The following ASZ1 variants were observed in gnomAD, a reference collection of about 807,000 sequenced individuals.
ASZ1 encodes ankyrin repeat, SAM and basic leucine zipper domain-containing protein 1.
ASZ1 carries 67 observed loss-of-function variants against 61.8 expected under a neutral mutation model. The observed-to-expected ratio is 1.08, with a 90% confidence interval of 0.89 to 1.33. ASZ1 has a LOEUF of 1.33. Among genes scored for constraint, ASZ1 ranks in the 40% most tolerant of loss-of-function variants. The pLI, the probability that ASZ1 is intolerant of heterozygous loss-of-function variation, is 0.00. For synonymous variants in ASZ1, 193 were observed against 192.7 expected (o/e 1.00, Z -0.01); for missense variants, 577 against 554.5 (o/e 1.04, Z -0.41).
At position 117,380,053 on chromosome 7, in the gene ASZ1, C is replaced by T. The variant is rs1391823488; in HGVS notation, c.946-6G>A. On this transcript the variant is annotated splice_polypyrimidine_tract_variant and splice_region_variant and intron_variant, in intron 9 of 12. Transcript: ENST00000284629. ...TCTTTACTGGTAATTCCATTCTAAGCAGAAATAATTTTAAGGTACAGTAAG... is the reference window on the plus strand; with the variant it reads ...TCTTTACTGGTAATTCCATTCTAAGTAGAAATAATTTTAAGGTACAGTAAG... 1 of 1,544,592 alleles carries T rather than the reference C, an allele frequency of 6.5e-7. No homozygotes were observed.
intron 2 of ASZ1, among the ~76,000 whole-genome samples, chr7:117,423,801 G>C (rs1054937183): frequency 1.3e-5 from 2 of 150,636 alleles, no homozygotes; most frequent in East Asian, 3.9e-4. Flanking sequence ...GGCAGAGCTT[G>C]CAGTGAGCCA....
chr7:117,386,901 T>C (rs1178184500), intron 4 of ASZ1, among the ~76,000 whole-genome samples: 2 of 152,068 alleles, frequency 1.3e-5, no homozygotes, highest in Non-Finnish European at 2.9e-5. Flanking sequence ...TTGTAAAAGA[T>C]TGCCTCCTCT....
intron 10 of ASZ1, among the ~76,000 whole-genome samples, chr7:117,378,187 G>A (rs1796173003): frequency 6.6e-6 from 1 of 151,950 alleles, no homozygotes; most frequent in Admixed American, 6.6e-5. Flanking sequence ...GGGAAAATTT[G>A]GTAACTTAGA....
intron 1 of ASZ1, 32 bp from the exon 2 acceptor site, chr7:117,426,967 T>G (rs965507521): frequency 3.2e-6 from 5 of 1,556,870 alleles, no homozygotes; most frequent in Non-Finnish European, 4.3e-6. Context: ...AAAATTCTTG[T>G]TATATATATT....
chr7:117,372,255 G>A (rs1046233859), intron 10 of ASZ1, among the ~76,000 whole-genome samples: 16 of 152,152 alleles, frequency 1.1e-4, no homozygotes, highest in African/African-American at 3.9e-4. Context: ...CCAGTCCCCC[G>A]ATCCCTGTCA....
chr7:117,420,334 CT>C, intron 3 of ASZ1, 60 bp from the exon 4 acceptor site: 1 of 1,196,592 alleles, frequency 8.4e-7, no homozygotes, highest in Admixed American at 1.9e-5. Context: ...TATTCGATGT[CT>C]TTACCACTCA....
intron 2 of ASZ1, among the ~76,000 whole-genome samples, chr7:117,424,994 A>C (rs1161390334): frequency 6.6e-6 from 1 of 152,206 alleles, no homozygotes. Flanking sequence ...CAGAAATTGA[A>C]GCTTAGGAAG....
In ASZ1 at chr7:117,427,430, CT is replaced by C. The variant is rs745685455; in HGVS notation, c.30del (p.Val11TrpfsTer27). Reference protein sequence around the residue: MAASALRGLPVAGGGESSES... With the variant: MAASALRGLXVAGGGESSES... Reference sequence around the variant, plus strand: ...TCGCTACTCTCGCCTCCGCCAGCCACTGGCAGGCCTCGCAGCGCGCTCGCCG... The same window carrying C: ...TCGCTACTCTCGCCTCCGCCAGCCACGGCAGGCCTCGCAGCGCGCTCGCCG... On this transcript the variant is annotated frameshift_variant, in exon 1 of 13. Coordinates refer to ENST00000284629, the MANE Select transcript of ASZ1 (RefSeq NM_130768.3). LOFTEE classifies it high-confidence loss of function. The C allele has an allele frequency of 1.9e-6, 3 of 1,614,102 alleles. No homozygotes were observed. Among genetic ancestry groups the C allele is most frequent in the Non-Finnish European group, 2.5e-6 (3 of 1,180,000 alleles).
rs1796667000 is a variant in ASZ1 at position 117,400,848 on chromosome 7, A to G, written c.441-15039T>C. 2.0e-5 allele frequency among the ~76,000 whole-genome samples: 3 copies of G among 152,348 alleles called. No individual in the cohort carries two copies. In the South Asian group the frequency reaches 6.2e-4, roughly 32 times the overall value. On this transcript the variant is annotated intron_variant, in intron 4 of 12. Transcript: ENST00000284629. ...TTTGAATTGAGACTGTGGAAAATAC[A>G]GGAAATAAACTGATCCTGAAATCCA...
chr7:117,367,437 T>C lies in ASZ1; in HGVS notation c.1190A>G (p.Asn397Ser). Residue 397 changes from asparagine to serine, a missense_variant, in exon 12 of 13, where the codon AAT becomes AGT. Transcript: ENST00000284629. ...KITLEWASPQ[N>S]FTSVCEELVN... ...CAATTCTTCACAAACTGAAGTAAAATTCTGGGGAGAAGCCCATTCCAGTGT... is the reference window on the plus strand; with the variant it reads ...CAATTCTTCACAAACTGAAGTAAAACTCTGGGGAGAAGCCCATTCCAGTGT... The C allele has an allele frequency of 6.4e-7, 1 of 1,552,732 alleles. No individual in the cohort carries two copies. The highest frequency in any genetic ancestry group is 8.7e-7 in the Non-Finnish European group (1 of 1,150,922).
Position 117,427,350 on chromosome 7 carries a change from C to T in ASZ1, c.105+6G>A, listed in dbSNP as rs200853725. 2.2e-5 allele frequency: 36 copies of T among 1,614,032 alleles called. No homozygotes were observed. The highest frequency in any genetic ancestry group is 1.6e-4 in the Middle Eastern group (1 of 6,082). On this transcript the variant is annotated splice_donor_region_variant and intron_variant, in intron 1 of 12. Transcript: ENST00000284629. ...GGTGTGGTCAAGACAAGGCCTCCTC[C>T]GCTACCTGAGACGTCCGGTCGAGAT... is the stretch of plus-strand genomic sequence containing the variant.
intron 4 of ASZ1, among the ~76,000 whole-genome samples, chr7:117,386,563 T>C (rs1289641394): frequency 6.6e-6 from 1 of 152,140 alleles, no homozygotes; most frequent in Non-Finnish European, 1.5e-5. Flanking sequence ...TGGTCTGTTT[T>C]AAAGGAGGTC....
chr7:117,427,205 C>T (rs1374512096), intron 1 of ASZ1, 151 bp downstream of exon 1: 9 of 964,592 alleles, frequency 9.3e-6, no homozygotes, highest in South Asian at 3.2e-5. Context: ...GAAATTTGTG[C>T]GGGTTTGCTT....
intron 2 of ASZ1, 115 bp downstream of exon 2, chr7:117,426,721 T>C: frequency 3.3e-6 from 3 of 912,032 alleles, no homozygotes; most frequent in East Asian, 5.0e-5. Context: ...TGCAGGATGA[T>C]ACATTAACAT....
intron 6 of ASZ1, among the ~76,000 whole-genome samples, chr7:117,383,503 T>A (rs1796293999): frequency 6.6e-6 from 1 of 152,032 alleles, no homozygotes; most frequent in African/African-American, 2.4e-5. Flanking sequence ...TCCATTTGGA[T>A]AAATGACTCA....
At chr7:117,417,265 G>C (rs1400130718) in intron 4 of ASZ1, among the ~76,000 whole-genome samples, 1 of 151,878 alleles carries the variant, frequency 6.6e-6, no homozygotes, top group Non-Finnish European at 1.5e-5. Context: ...GCAAAATCTA[G>C]CCATTTATGT....
chr7:117,425,703 T>C (rs1797190870), intron 2 of ASZ1, among the ~76,000 whole-genome samples: 1 of 151,878 alleles, frequency 6.6e-6, no homozygotes, highest in African/African-American at 2.4e-5. Flanking sequence ...AAACTGATGC[T>C]CTCTGGCTGG....
At chr7:117,376,209 C>G (rs1046746656) in intron 10 of ASZ1, among the ~76,000 whole-genome samples, 2 of 151,940 alleles carry the variant, frequency 1.3e-5, no homozygotes, top group Non-Finnish European at 2.9e-5. Flanking sequence ...AAAAATGAAC[C>G]AAGTCCTTGA....
chr7:117,385,764 G>T lies in ASZ1; in HGVS notation c.486C>A (p.Thr162=), dbSNP rs1342748342. 1 of 1,613,452 alleles carries T rather than the reference G, an allele frequency of 6.2e-7. No individual in the cohort carries two copies. The highest frequency in any genetic ancestry group is 1.7e-5 in the Admixed American group (1 of 59,910). ...PIMYAARDGH[T]QVVALLVAHG... ...GAGCAACAAGGAGAGCAACAACCTG[G>T]GTGTGACCATCTCGAGCAGCATACA... is the stretch of plus-strand genomic sequence containing the variant. Residue 162 remains threonine (T), a synonymous_variant, in exon 5 of 13, where the codon ACC becomes ACA. Coordinates refer to ENST00000284629, the MANE Select transcript of ASZ1 (RefSeq NM_130768.3).
Sources: gnomAD v4.1 joint callset for allele counts (sites outside exome capture counted in the v4.1 genomes callset) on GRCh38, gnomAD v4.1.1 for gene constraint, MANE v1.5 for transcripts, NCBI Gene and HGNC (gene_info 2026-07-23, HGNC 2026-07-21) for gene names.